The following SETD7 variants were observed in gnomAD, a reference collection of about 807,000 sequenced individuals.
The protein encoded by SETD7 is histone-lysine N-methyltransferase SETD7.
A neutral mutation model predicts 41.8 loss-of-function variants in SETD7; 16 were observed. The ratio of observed to expected loss-of-function variants is 0.38; its 90% CI spans 0.26 to 0.58. The LOEUF (loss-of-function observed/expected upper bound fraction) is 0.58. SETD7 is among the 20% of genes least tolerant of loss of function. The pLI, the probability that SETD7 is intolerant of heterozygous loss-of-function variation, is 0.64. For missense variants in SETD7, 346 were observed against 459.7 expected, an observed-to-expected ratio of 0.75 and a Z score of 2.26; for synonymous variants, 163 against 169.7, an observed-to-expected ratio of 0.96 and a Z score of 0.31.
rs1007246522 is a variant in SETD7 at position 139,506,277 on chromosome 4, G to T, written c.*5386C>A. On this transcript the variant is annotated 3_prime_UTR_variant, in exon 8 of 8. Transcript: ENST00000274031. ...AATTTAAAAAAATCATAGAATTATA[G>T]ATATTGAATAAGGCTCATAGTTTTA... 6.6e-6 allele frequency: 1 copy of T among 152,588 alleles called. No individual in the cohort carries two copies. The highest frequency in any genetic ancestry group is 1.5e-5 in the Non-Finnish European group (1 of 68,044). The allele number at this position is 152,588 out of a possible 1,614,324, so 9.5% of individuals were successfully genotyped here. A position where few individuals can be genotyped will look rare whatever the true frequency, so the allele number is the denominator to read the frequency against.
Position 139,511,768 on chromosome 4 carries a change from G to A in SETD7, c.996C>T (p.Thr332=), listed in dbSNP as rs1443868258. 9 of 1,614,054 alleles carry A rather than the reference G, an allele frequency of 5.6e-6. No individual in the cohort carries two copies. Among genetic ancestry groups the A allele is most frequent in the South Asian group, 3.3e-5 (3 of 91,080 alleles). ...LRAVEADEEL[T]VAYGYDHSPP... ...GGCTGTGGTCATAGCCATAGGCAAC[G>A]GTGAGCTCTTCATCGGCCTCCACTG... The change falls in exon 8 of 8, where the codon ACC becomes ACT. Residue 332 remains threonine (T), a synonymous_variant. Transcript: ENST00000274031.
chr4:139,536,985 A>AT (rs1408261240), intron 2 of SETD7, among the ~76,000 whole-genome samples: 2 of 151,642 alleles, frequency 1.3e-5, no homozygotes, highest in African/African-American at 2.4e-5. Context: ...TTTATTTTTT[A>AT]TTTTTTTGAG....
At chr4:139,521,193 AG>A (rs929214954) in intron 5 of SETD7, among the ~76,000 whole-genome samples, 18 of 152,314 alleles carry the variant, frequency 1.2e-4, no homozygotes, top group African/African-American at 4.1e-4. Flanking sequence ...TGGGAGGCTG[AG>A]GCGGGTGGAT....
intron 2 of SETD7, among the ~76,000 whole-genome samples, chr4:139,545,246 T>A (rs1225432991): frequency 6.6e-6 from 1 of 152,002 alleles, no homozygotes; most frequent in African/African-American, 2.4e-5. Flanking sequence ...GCTCAAGCAA[T>A]CTTCCTGCCT....
At chr4:139,539,020 T>C (rs1465264698) in intron 2 of SETD7, among the ~76,000 whole-genome samples, 4 of 152,224 alleles carry the variant, frequency 2.6e-5, no homozygotes, top group African/African-American at 9.6e-5. Flanking sequence ...GACTTACATA[T>C]CTGCATTTTA....
At chr4:139,515,027 G>A (rs555863439) in intron 7 of SETD7, among the ~76,000 whole-genome samples, 1 of 152,154 alleles carries the variant, frequency 6.6e-6, no homozygotes, top group East Asian at 1.9e-4. Flanking sequence ...TCAGCCAGGC[G>A]TGATGGCGCA....
At chr4:139,543,569 A>C (rs1727837688) in intron 2 of SETD7, among the ~76,000 whole-genome samples, 2 of 152,154 alleles carry the variant, frequency 1.3e-5, no homozygotes, top group African/African-American at 4.8e-5. Context: ...GAAGATAACC[A>C]AGATAATCTC....
chr4:139,525,149 G>A (rs1327534195), intron 4 of SETD7, among the ~76,000 whole-genome samples: 1 of 152,120 alleles, frequency 6.6e-6, no homozygotes, highest in African/African-American at 2.4e-5. Flanking sequence ...AATTGTGTGT[G>A]GAATGTATGT....
chr4:139,536,602 C>T (rs907829572), intron 2 of SETD7, among the ~76,000 whole-genome samples: 5 of 151,974 alleles, frequency 3.3e-5, no homozygotes, highest in African/African-American at 1.2e-4. Context: ...ATCACAGCTA[C>T]TCAGGAGGGT....
Position 139,511,805 on chromosome 4 carries a change from C to T in SETD7, c.959G>A (p.Arg320His), listed in dbSNP as rs1412742724. 3.1e-6 allele frequency: 5 copies of T among 1,613,794 alleles called. No individual in the cohort carries two copies. Among genetic ancestry groups the T allele is most frequent in the Non-Finnish European group, 4.2e-6 (5 of 1,179,888 alleles). ...HPRFGPIKCI[R>H]TLRAVEADEE... is the part of the protein sequence containing the mutation. ...ATCGGCCTCCACTGCTCTCAGGGTG[C>T]GGATGCATTTGATGGGCCCAAAACG... The change falls in exon 8 of 8, where the codon CGC (arginine) becomes CAC (histidine). Residue 320 changes from arginine to histidine, a missense_variant. Arg to His is a conservative substitution (Grantham distance 29). Around this residue, in one of 3 missense-constraint regions of SETD7, gnomAD observed 75 missense variants for 65.5 expected, o/e 1.14. Transcript: ENST00000274031.
In SETD7 at chr4:139,555,409, G is replaced by A. The variant is rs562983367; in HGVS notation, c.40+689C>T. Among the ~76,000 whole-genome samples the A allele has an allele frequency of 3.9e-5, 6 of 152,154 alleles. No individual in the cohort carries two copies. In the South Asian group the frequency reaches 1.2e-3, roughly 32 times the overall value. On this transcript the variant is annotated intron_variant, in intron 1 of 7. Transcript: ENST00000274031. The surrounding 1 kb of genome is among the most constrained non-coding windows in gnomAD (Gnocchi z 4.0). ...GGCTGCATCCCAGCCAAGCAGGAAG[G>A]GGGAGGGGGAGGCCTGACTGAGTTC...
chr4:139,505,370 C>T (rs1726675633), downstream of SETD7, among the ~76,000 whole-genome samples: 2 of 152,180 alleles, frequency 1.3e-5, no homozygotes, highest in African/African-American at 4.8e-5. Context: ...AGGCAGATCA[C>T]TTGAGGTCAG....
intron 7 of SETD7, among the ~76,000 whole-genome samples, chr4:139,516,560 G>C (rs973675370): frequency 6.8e-5 from 10 of 148,128 alleles, no homozygotes; most frequent in African/African-American, 2.2e-4. Flanking sequence ...TTGTCTATTT[G>C]TCTGGACCTT....
At chr4:139,549,128 T>C (rs1485599636) in intron 1 of SETD7, among the ~76,000 whole-genome samples, 2 of 152,240 alleles carry the variant, frequency 1.3e-5, no homozygotes, top group Non-Finnish European at 2.9e-5. Flanking sequence ...ACTTTTGATT[T>C]AGGTATTAAT....
intron 1 of SETD7, among the ~76,000 whole-genome samples, chr4:139,548,637 A>G (rs1728027527): frequency 6.6e-6 from 1 of 152,252 alleles, no homozygotes; most frequent in Non-Finnish European, 1.5e-5. Flanking sequence ...CATCTCAACA[A>G]CAACAATAAA....
chr4:139,524,941 C>G (rs1365826443), intron 4 of SETD7, among the ~76,000 whole-genome samples: 3 of 152,128 alleles, frequency 2.0e-5, no homozygotes, highest in Non-Finnish European at 4.4e-5. Flanking sequence ...CTCAGCCTCC[C>G]AAGCAGCTGG....
At chr4:139,522,639 A>G (rs1727207401) in intron 5 of SETD7, among the ~76,000 whole-genome samples, 1 of 151,910 alleles carries the variant, frequency 6.6e-6, no homozygotes, top group Admixed American at 6.6e-5. Context: ...AGCTTTAAAG[A>G]GCATGAAATG....
At chr4:139,495,626 A>G (rs552501890), downstream of SETD7, among the ~76,000 whole-genome samples, 1 of 152,298 alleles carries the variant, frequency 6.6e-6, no homozygotes, top group Non-Finnish European at 1.5e-5. Flanking sequence ...AACTCCCTCA[A>G]TATCATGAGA....
rs574464103 is a variant in SETD7, at chr4:139,523,894, G to C, written c.563-459C>G. Among the ~76,000 whole-genome samples, 5 of 152,334 alleles carry C rather than the reference G, an allele frequency of 3.3e-5. No individual in the cohort carries two copies. In the East Asian group the frequency reaches 9.6e-4, roughly 29 times the overall value. The stretch of plus-strand genomic sequence containing the variant: ...AATTCTGCCTCACCAGAATTAAGGA[G>C]AACAGCACTGCTTTTGATAAAGCAT... On this transcript the variant is annotated intron_variant, in intron 4 of 7. Coordinates refer to ENST00000274031, the MANE Select transcript of SETD7 (RefSeq NM_030648.4).
Sources: allele counts gnomAD v4.1 joint callset (sites outside exome capture counted in the v4.1 genomes callset), GRCh38; gene constraint gnomAD v4.1.1; regional missense constraint gnomAD v4.1.1; non-coding constraint Gnocchi (gnomAD v3.1); transcripts MANE v1.5; gene names NCBI Gene and HGNC (gene_info 2026-07-23, HGNC 2026-07-21).